Variants in COL13A1 observed in about 807,000 individuals in gnomAD.
COL13A1 encodes the protein collagen type XIII alpha 1 chain.
Under a neutral mutation model 130.9 loss-of-function variants are expected in COL13A1, and 89 were observed. That is an observed-to-expected ratio of 0.68 (90% CI 0.57 to 0.81). COL13A1 has a LOEUF of 0.81. COL13A1 is among the 30% of genes least tolerant of loss of function. COL13A1 has a pLI of 0.00. For missense variants in COL13A1, 879 were observed against 934.6 expected (o/e 0.94, Z 0.78); for synonymous variants, 402 against 341.6 (o/e 1.18, Z -1.95).
At chr10:69,941,280 C>T (rs534327869) in intron 35 of COL13A1, among the ~76,000 whole-genome samples, 119 of 152,304 alleles carry the variant, frequency 7.8e-4, no homozygotes, top group African/African-American at 2.8e-3. Flanking sequence ...GGGTGGGAGG[C>T]CACTCCAGCA....
chr10:69,875,022 T>C, intron 4 of COL13A1, 106 bp from the exon 5 acceptor site: 1 of 1,403,930 alleles, frequency 7.1e-7, no homozygotes, highest in South Asian at 1.2e-5. Context: ...CGCTGCAAAC[T>C]GGGTTAGCTG....
At chr10:69,867,937 G>T (rs2058685596) in intron 3 of COL13A1, 132 bp downstream of exon 3, 5 of 655,536 alleles carry the variant, frequency 7.6e-6, no homozygotes, top group East Asian at 2.8e-5. Context: ...CTCCTGAGGG[G>T]TCCCTCCAGA....
At chr10:69,852,626 G>A (rs1299726333) in intron 2 of COL13A1, among the ~76,000 whole-genome samples, 1 of 152,260 alleles carries the variant, frequency 6.6e-6, no homozygotes, top group Non-Finnish European at 1.5e-5. Context: ...GACTGGGCTG[G>A]TGTGGACCCA....
intron 16 of COL13A1, 139 bp downstream of exon 16, chr10:69,905,098 C>G: frequency 2.1e-6 from 2 of 945,318 alleles, no homozygotes; most frequent in Admixed American, 2.6e-5. Flanking sequence ...GACCCACTTA[C>G]AAAACACCAC....
rs774346770 is a variant in COL13A1, at chr10:69,924,969, C to A, written c.1291C>A (p.Arg431Ser). ...CAATTTTGTCATGCAACAGGGGGAG[C>A]GTGGAGCAGCTGGAGAACAGGGACC... Reference protein sequence around the residue: ...PPGQPGDKGERGAAGEQGPDG... With the variant: ...PPGQPGDKGESGAAGEQGPDG... Residue 431 changes from arginine (R) to serine (S), a missense_variant, in exon 25 of 41, where the codon CGT (arginine) becomes AGT (serine). By Grantham distance (110) the Arg-to-Ser change is moderately radical. Around this residue, in one of 3 missense-constraint regions of COL13A1, gnomAD observed 715 missense variants for 721.0 expected, o/e 0.99. Coordinates refer to ENST00000645393, the MANE Select transcript of COL13A1 (RefSeq NM_001368882.1). The A allele has an allele frequency of 2.5e-6, 4 of 1,591,892 alleles. No individual in the cohort carries two copies. The highest frequency in any genetic ancestry group is 1.3e-5 in the African/African-American group (1 of 74,412).
chr10:69,943,390 C>G (rs1022283757), intron 35 of COL13A1, among the ~76,000 whole-genome samples: 2 of 152,222 alleles, frequency 1.3e-5, no homozygotes, highest in East Asian at 1.9e-4. Flanking sequence ...TCTGGCCAGG[C>G]TGTGAACTGG....
intron 30 of COL13A1, chr10:69,931,385 C>T (rs1418454517): frequency 2.9e-6 from 1 of 341,128 alleles, no homozygotes; most frequent in Non-Finnish European, 5.9e-6. Context: ...CCTGCCGACC[C>T]AGCCTGGGAG....
At chr10:69,833,470 T>C (rs1412658516) in intron 2 of COL13A1, among the ~76,000 whole-genome samples, 3 of 152,160 alleles carry the variant, frequency 2.0e-5, no homozygotes, top group African/African-American at 7.2e-5. Context: ...CTCCAGGCCC[T>C]GTGTTCAGTG....
At chr10:69,849,782 TC>T (rs1854213897) in intron 2 of COL13A1, among the ~76,000 whole-genome samples, 1 of 152,122 alleles carries the variant, frequency 6.6e-6, no homozygotes, top group African/African-American at 2.4e-5. Context: ...AGTCAAAATG[TC>T]CCCAGCCACT....
intron 17 of COL13A1, 32 bp downstream of exon 17, chr10:69,905,854 A>G (rs767711983): frequency 1.9e-6 from 3 of 1,611,722 alleles, no homozygotes; most frequent in Non-Finnish European, 2.5e-6. Flanking sequence ...CAAGTGGGGC[A>G]GGACTTTGGA....
At chr10:69,906,262 T>C (rs537436415) in intron 17 of COL13A1, among the ~76,000 whole-genome samples, 2 of 152,356 alleles carry the variant, frequency 1.3e-5, no homozygotes, top group Admixed American at 6.5e-5. Context: ...GTATCAGTTA[T>C]CTATTGCGGT....
chr10:69,929,002 A>T lies in COL13A1; in HGVS notation c.1485+3A>T. 1 of 1,612,358 alleles carries T rather than the reference A, an allele frequency of 6.2e-7. No individual in the cohort carries two copies. Among genetic ancestry groups the T allele is most frequent in the Non-Finnish European group, 8.5e-7 (1 of 1,179,102 alleles). On this transcript the variant is annotated splice_donor_region_variant and intron_variant, in intron 28 of 40. Transcript: ENST00000645393. ...CTCCAGGGATTCCAGGCCAGAAGGT[A>T]AATCTTATCTTGACAAAGGGGGTGA...
At chr10:69,865,098 C>CAGGACCCT (rs1859458858) in intron 2 of COL13A1, among the ~76,000 whole-genome samples, 1 of 152,122 alleles carries the variant, frequency 6.6e-6, no homozygotes, top group Non-Finnish European at 1.5e-5. Context: ...AGGAAGACCC[C>CAGGACCCT]AGGATGGGGA....
intron 16 of COL13A1, 40 bp from the exon 17 acceptor site, chr10:69,905,747 T>C: frequency 6.2e-7 from 1 of 1,609,574 alleles, no homozygotes; most frequent in Non-Finnish European, 8.5e-7. Context: ...AGTTTGGCAG[T>C]GGGAAAACCT....
At chr10:69,804,386 G>A (rs184140859) in intron 1 of COL13A1, among the ~76,000 whole-genome samples, 177 of 152,086 alleles carry the variant, frequency 1.2e-3, no homozygotes, top group African/African-American at 4.0e-3. Flanking sequence ...ACTTAGACAT[G>A]CCAAGTCGCA....
At chr10:69,954,613 G>T (rs1453086275) in intron 39 of COL13A1, among the ~76,000 whole-genome samples, 1 of 152,216 alleles carries the variant, frequency 6.6e-6, no homozygotes, top group Non-Finnish European at 1.5e-5. Context: ...TGGAGGAGGG[G>T]CCACCTGCCT....
At chr10:69,842,260 C>T (rs1392892851) in intron 2 of COL13A1, among the ~76,000 whole-genome samples, 1 of 152,208 alleles carries the variant, frequency 6.6e-6, no homozygotes, top group African/African-American at 2.4e-5. Context: ...CTCTCGCCTG[C>T]CGCCACATTA....
chr10:69,958,168 C>T (rs2071152897), intron 40 of COL13A1, among the ~76,000 whole-genome samples: 1 of 152,186 alleles, frequency 6.6e-6, no homozygotes, highest in African/African-American at 2.4e-5. Flanking sequence ...AGGCTGGCCT[C>T]GTCCTCCTGC....
intron 36 of COL13A1, 126 bp from the exon 37 acceptor site, chr10:69,945,545 C>T: frequency 3.0e-6 from 4 of 1,344,532 alleles, no homozygotes; most frequent in Non-Finnish European, 4.1e-6. Flanking sequence ...TCCCATAGCC[C>T]TTGCTTCCCG....
Sources: allele counts gnomAD v4.1 joint callset (sites outside exome capture counted in the v4.1 genomes callset), GRCh38; gene constraint gnomAD v4.1.1; regional missense constraint gnomAD v4.1.1; transcripts MANE v1.5; gene names NCBI Gene and HGNC (gene_info 2026-07-23, HGNC 2026-07-21).